SPAG16: variants seen among roughly 807,000 people sequenced by gnomAD.
The protein encoded by SPAG16 is sperm-associated antigen 16 protein.
Under a neutral mutation model 80.4 loss-of-function variants are expected in SPAG16, and 86 were observed. The ratio of observed to expected loss-of-function variants is 1.07; its 90% CI spans 0.90 to 1.28. The LOEUF (loss-of-function observed/expected upper bound fraction) is 1.28. SPAG16 is among the 50% of genes most tolerant of loss of function. The pLI, the probability that SPAG16 is intolerant of heterozygous loss-of-function variation, is 0.00. For missense variants in SPAG16, 870 were observed against 765.3 expected, an observed-to-expected ratio of 1.14 and a Z score of -1.61; for synonymous variants, 294 against 265.9, an observed-to-expected ratio of 1.11 and a Z score of -1.03.
intron 15 of SPAG16, among the ~76,000 whole-genome samples, chr2:214,154,972 G>C (rs1230098793): frequency 6.6e-6 from 1 of 152,120 alleles, no homozygotes; most frequent in African/African-American, 2.4e-5. Flanking sequence ...AGTAAACAAG[G>C]TGAGCCCTAT....
At chr2:213,310,016 C>G (rs529124142) in intron 3 of SPAG16, 43 bp from the exon 4 acceptor site, 1 of 1,262,628 alleles carries the variant, frequency 7.9e-7, no homozygotes, top group East Asian at 2.4e-5. Context: ...TTAATTAATG[C>G]TTTGATGTTT....
At chr2:213,354,133 G>C (rs895344999) in intron 7 of SPAG16, among the ~76,000 whole-genome samples, 13 of 152,170 alleles carry the variant, frequency 8.5e-5, no homozygotes, top group African/African-American at 3.1e-4. Context: ...AGAACATGCG[G>C]TGTTTGGTTT....
intron 10 of SPAG16, among the ~76,000 whole-genome samples, chr2:213,625,128 T>C (rs1012697890): frequency 6.6e-6 from 1 of 152,132 alleles, no homozygotes; most frequent in African/African-American, 2.4e-5. Flanking sequence ...GATAATACTA[T>C]AAAAGTACTT....
intron 10 of SPAG16, among the ~76,000 whole-genome samples, chr2:213,554,811 AAG>A (rs2059376790): frequency 6.6e-6 from 1 of 152,008 alleles, no homozygotes; most frequent in African/African-American, 2.4e-5. Context: ...CAAAGAAAAA[AAG>A]AAAAAAAATT....
intron 15 of SPAG16, among the ~76,000 whole-genome samples, chr2:214,378,795 C>G (rs1700279886): frequency 6.6e-6 from 1 of 152,206 alleles, no homozygotes; most frequent in South Asian, 2.1e-4. Flanking sequence ...AGTGGTTAAA[C>G]AAATTGCAGG....
chr2:214,214,155 C>T (rs1334065507), intron 15 of SPAG16, among the ~76,000 whole-genome samples: 3 of 151,166 alleles, frequency 2.0e-5, no homozygotes, highest in Non-Finnish European at 4.4e-5. Context: ...TTCCCTCTGC[C>T]TAAAATATCC....
intron 11 of SPAG16, among the ~76,000 whole-genome samples, chr2:213,893,802 CT>C (rs2076885187): frequency 6.6e-6 from 1 of 151,892 alleles, no homozygotes; most frequent in Non-Finnish European, 1.5e-5. Flanking sequence ...AAATCAAAAT[CT>C]TTTAACTACA....
At chr2:214,222,988 A>G (rs1166370922) in intron 15 of SPAG16, among the ~76,000 whole-genome samples, 1 of 152,214 alleles carries the variant, frequency 6.6e-6, no homozygotes, top group Non-Finnish European at 1.5e-5. Context: ...CTTGTTGAGA[A>G]CTAATTTCTT....
chr2:213,946,149 C>G (rs891573798), intron 12 of SPAG16, among the ~76,000 whole-genome samples: 1 of 152,056 alleles, frequency 6.6e-6, no homozygotes, highest in African/African-American at 2.4e-5. Context: ...GAGTCTTTCT[C>G]TGTCACCCAG....
At chr2:213,537,510 G>A (rs765808676) in intron 10 of SPAG16, among the ~76,000 whole-genome samples, 85 of 152,046 alleles carry the variant, frequency 5.6e-4, no homozygotes, top group Non-Finnish European at 1.0e-3. Context: ...AGGGCTGGTA[G>A]TGGAATTCTG....
At chr2:214,059,246 G>GTATA (rs1295578502) in intron 13 of SPAG16, among the ~76,000 whole-genome samples, 1 of 85,662 alleles carries the variant, frequency 1.2e-5, no homozygotes, top group African/African-American at 5.0e-5. Context: ...ATATATGTAT[G>GTATA]TATATATATG....
At chr2:213,799,895 A>C (rs1288088827) in intron 10 of SPAG16, among the ~76,000 whole-genome samples, 1 of 151,932 alleles carries the variant, frequency 6.6e-6, no homozygotes, top group Non-Finnish European at 1.5e-5. Context: ...GCTATTGTGA[A>C]TAGTGCTGCG....
intron 5 of SPAG16, among the ~76,000 whole-genome samples, chr2:213,319,096 T>C (rs1160128266): frequency 6.6e-6 from 1 of 151,998 alleles, no homozygotes; most frequent in African/African-American, 2.4e-5. Flanking sequence ...CAATGTTATA[T>C]GGAAAAATCA....
At chr2:214,222,052 A>C (rs966594531) in intron 15 of SPAG16, among the ~76,000 whole-genome samples, 12 of 151,786 alleles carry the variant, frequency 7.9e-5, no homozygotes, top group African/African-American at 2.9e-4. Context: ...GTTTCATGGT[A>C]CATCTATCTC....
At chr2:214,243,005 A>G (rs760542169) in intron 15 of SPAG16, among the ~76,000 whole-genome samples, 2 of 152,112 alleles carry the variant, frequency 1.3e-5, no homozygotes, top group African/African-American at 4.8e-5. Flanking sequence ...GGAAAGATAA[A>G]TGTTTTGAGT....
intron 10 of SPAG16, among the ~76,000 whole-genome samples, chr2:213,648,810 C>T (rs1007942281): frequency 6.6e-6 from 1 of 152,118 alleles, no homozygotes; most frequent in Admixed American, 6.6e-5. Flanking sequence ...CTCCAATTTG[C>T]TTAACTCAGG....
chr2:213,557,867 T>C (rs2059478086), intron 10 of SPAG16, among the ~76,000 whole-genome samples: 1 of 152,230 alleles, frequency 6.6e-6, no homozygotes, highest in Non-Finnish European at 1.5e-5. Context: ...AAATGCATTC[T>C]TATGTGATTA....
chr2:214,033,072 T>A (rs564284596), intron 13 of SPAG16, among the ~76,000 whole-genome samples: 1 of 152,190 alleles, frequency 6.6e-6, no homozygotes, highest in African/African-American at 2.4e-5. Context: ...ATCGTTTTCC[T>A]GCAATTATTG....
intron 10 of SPAG16, among the ~76,000 whole-genome samples, chr2:213,727,317 A>C (rs552727893): frequency 1.3e-5 from 2 of 152,196 alleles, no homozygotes; most frequent in Admixed American, 1.3e-4. Flanking sequence ...AGAGACTGGC[A>C]GTTTTTTTAA....
Sources: allele counts gnomAD v4.1 joint callset (sites outside exome capture counted in the v4.1 genomes callset), GRCh38; gene constraint gnomAD v4.1.1; transcripts MANE v1.5; gene names NCBI Gene and HGNC (gene_info 2026-07-23, HGNC 2026-07-21).